The following TBC1D7 variants were observed in gnomAD, a reference collection of about 807,000 sequenced individuals.
TBC1D7 encodes the protein TBC domain family 7.
Under a neutral mutation model 35.3 loss-of-function variants are expected in TBC1D7, and 33 were observed. That is an observed-to-expected ratio of 0.93 (90% CI 0.71 to 1.25). The LOEUF is 1.25. Ranked by LOEUF, TBC1D7 falls within the 50% of genes most tolerant of loss-of-function variation. TBC1D7 has a pLI of 0.00. For missense variants in TBC1D7, 362 were observed against 365.3 expected, an observed-to-expected ratio of 0.99 and a Z score of 0.07; for synonymous variants, 135 against 129.5, an observed-to-expected ratio of 1.04 and a Z score of -0.29.
Position 13,328,419 on chromosome 6 carries a change from G to C in TBC1D7, c.-132C>G, listed in dbSNP as rs13212123. On this transcript the variant is annotated 5_prime_UTR_variant, in exon 1 of 8. Transcript: ENST00000379300. ...ACCGTTGGGGCCCAGGGCCAGGAGG[G>C]ACGAGTCCTGCGGGAAGGAGGGAGG... is the stretch of plus-strand genomic sequence containing the variant. 0.11 allele frequency: 17,387 copies of C among 153,564 alleles called. 1,201 individuals are homozygous for C. The highest frequency in any genetic ancestry group is 0.3 in the East Asian group (1,536 of 5,166). 9.5% of individuals were successfully genotyped at this position (153,564 alleles called of 1,614,324 possible). A position where few individuals can be genotyped will look rare whatever the true frequency, so the allele number is the denominator to read the frequency against.
chr6:13,325,248 T>A (rs186295867), intron 2 of TBC1D7, 74 bp from the exon 3 acceptor site: 1 of 1,129,412 alleles, frequency 8.9e-7, no homozygotes, highest in African/African-American at 1.6e-5. Flanking sequence ...TTTCATTTTT[T>A]AAAACTCAAA....
chr6:13,310,825 T>C (rs1389953902), intron 5 of TBC1D7, among the ~76,000 whole-genome samples: 2 of 151,980 alleles, frequency 1.3e-5, no homozygotes, highest in Non-Finnish European at 2.9e-5. Flanking sequence ...AGAAGGTGAA[T>C]TCAAATACAT....
chr6:13,311,614 C>T (rs942147022), intron 5 of TBC1D7, among the ~76,000 whole-genome samples: 1 of 152,196 alleles, frequency 6.6e-6, no homozygotes, highest in African/African-American at 2.4e-5. Context: ...TTCTGGATGA[C>T]TTTTCTGAGA....
At chr6:13,306,141 A>G in intron 7 of TBC1D7, 1 of 288,560 alleles carries the variant, frequency 3.5e-6, no homozygotes, top group Non-Finnish European at 6.4e-6. Flanking sequence ...ATTTCTCTGA[A>G]ATAATCTAAT....
chr6:13,328,520 T>TGCCGCTGCCGCTGCCGCTGCCGCC lies in TBC1D7; in HGVS notation c.-234_-233insGGCGGCAGCGGCAGCGGCAGCGGC, dbSNP rs1554196307. 1 of 157,886 alleles carries TGCCGCTGCCGCTGCCGCTGCCGCC rather than the reference T, an allele frequency of 6.3e-6. No individual in the cohort carries two copies. The highest frequency in any genetic ancestry group is 2.4e-5 in the African/African-American group (1 of 41,406). 9.8% of individuals were successfully genotyped at this position (157,886 alleles called of 1,614,324 possible). A position where few individuals can be genotyped will look rare whatever the true frequency, so the allele number is the denominator to read the frequency against. On this transcript the variant is annotated 5_prime_UTR_variant, in exon 1 of 8. Coordinates refer to ENST00000379300, the MANE Select transcript of TBC1D7 (RefSeq NM_016495.6). Reference sequence around the variant, plus strand: ...AACTCAGCGCCGCTGCCGCTGCCGCTGCCGCCGCCGCCGGACGTGACATCA... The same window carrying TGCCGCTGCCGCTGCCGCTGCCGCC: ...AACTCAGCGCCGCTGCCGCTGCCGCTGCCGCTGCCGCTGCCGCTGCCGCCGCCGCCGCCGCCGGACGTGACATCA...
chr6:13,316,467 G>A, intron 5 of TBC1D7, 104 bp downstream of exon 5: 2 of 1,217,204 alleles, frequency 1.6e-6, no homozygotes, highest in Admixed American at 2.2e-5. Context: ...TACTATAAAG[G>A]GTTATTCAGA....
chr6:13,320,920 G>A lies in TBC1D7; in HGVS notation c.369C>T (p.Pro123=), dbSNP rs1340021014. 6.2e-7 allele frequency: 1 copy of A among 1,613,980 alleles called. No homozygotes were observed. The highest frequency in any genetic ancestry group is 8.5e-7 in the Non-Finnish European group (1 of 1,180,026). ...QLESGKLPRS[P]SFPLEPDDEV... The stretch of plus-strand genomic sequence containing the variant: ...AGTGACCACTAACCAGTGGAAAAGA[G>A]GGACTTCGAGGTAACTTCCCAGACT... Residue 123 remains proline (P), a synonymous_variant, in exon 4 of 8, where the codon CCC becomes CCT. Coordinates refer to ENST00000379300, the MANE Select transcript of TBC1D7 (RefSeq NM_016495.6).
At chr6:13,328,124 CCT>C (rs1257497220) in intron 1 of TBC1D7, 170 bp downstream of exon 1, 2 of 152,092 alleles carry the variant, frequency 1.3e-5, no homozygotes, top group African/African-American at 4.8e-5. Flanking sequence ...TTGGTCGGTC[CCT>C]GTTGTCTAAG....
intron 5 of TBC1D7, among the ~76,000 whole-genome samples, chr6:13,309,439 A>G (rs77485081): frequency 0.018 from 2,729 of 152,340 alleles, 86 homozygotes; most frequent in African/African-American, 0.063. Flanking sequence ...TAAGCACTCA[A>G]TATATAACTG....
intron 5 of TBC1D7, among the ~76,000 whole-genome samples, chr6:13,308,005 G>A (rs959405376): frequency 3.3e-5 from 5 of 152,182 alleles, no homozygotes; most frequent in African/African-American, 1.2e-4. Context: ...CAGGCAAAAT[G>A]GAATGGTTGG....
chr6:13,310,554 C>T (rs1309430590), intron 5 of TBC1D7, among the ~76,000 whole-genome samples: 2 of 150,888 alleles, frequency 1.3e-5, no homozygotes, highest in East Asian at 2.0e-4. Context: ...AGGAGAATCA[C>T]TTGAACCTGG....
rs72202814 is a variant in TBC1D7, at chr6:13,316,548, C to CA, written c.519+22dup. The CA allele has an allele frequency of 0.042, 61,739 of 1,462,190 alleles. 87 individuals are homozygous for CA. Among genetic ancestry groups the CA allele is most frequent in the Non-Finnish European group, 0.047 (50,987 of 1,074,452 alleles). 90.6% of individuals were successfully genotyped at this position (1,462,190 alleles called of 1,614,324 possible). ...CTACCATTGTTCACTCTCCAATAGC[C>CA]AAAAAAAAAAAAAAGCCCTCACCAA... is the stretch of plus-strand genomic sequence containing the variant. On this transcript the variant is annotated intron_variant, in intron 5 of 7. Transcript: ENST00000379300.
rs1285513883 is a variant in TBC1D7, at chr6:13,305,012, G to A, written c.*89C>T. The A allele has an allele frequency of 9.8e-6, 11 of 1,117,206 alleles. No homozygotes were observed. The highest frequency in any genetic ancestry group is 1.4e-5 in the Non-Finnish European group (11 of 784,620). 69.2% of individuals were successfully genotyped at this position (1,117,206 alleles called of 1,614,324 possible). ...CTTTGAGCACCAAAGCAAGAAAAGT[G>A]TATTATTCAATCAGTTTCCCAGATC... On this transcript the variant is annotated 3_prime_UTR_variant, in exon 8 of 8. Transcript: ENST00000379300.
intron 3 of TBC1D7, 64 bp downstream of exon 3, chr6:13,325,030 A>G: frequency 8.0e-7 from 1 of 1,245,600 alleles, no homozygotes; most frequent in Non-Finnish European, 1.2e-6. Context: ...GACTGATAAG[A>G]TAGCAAATGA....
intron 4 of TBC1D7, chr6:13,320,626 A>C (rs1338448687): frequency 1.7e-6 from 1 of 600,216 alleles, no homozygotes; most frequent in African/African-American, 1.9e-5. Flanking sequence ...ACAACTGGAG[A>C]ATCTGGGTAA....
intron 5 of TBC1D7, among the ~76,000 whole-genome samples, chr6:13,310,649 A>AAAAAAAAAAAAAAAAAAAAAAG (rs1783139558): frequency 6.6e-6 from 1 of 150,496 alleles, no homozygotes; most frequent in Admixed American, 6.7e-5. Context: ...AAAAAAAAAA[A>AAAAAAAAAAAAAAAAAAAAAAG]AAAAGAATAT....
intron 3 of TBC1D7, among the ~76,000 whole-genome samples, 170 bp downstream of exon 3, chr6:13,324,924 G>A (rs1784301446): frequency 6.6e-6 from 1 of 152,156 alleles, no homozygotes; most frequent in South Asian, 2.1e-4. Flanking sequence ...CTCTTCTATA[G>A]TATCATTAAT....
intron 5 of TBC1D7, among the ~76,000 whole-genome samples, chr6:13,309,745 T>C (rs771924104): frequency 2.6e-5 from 4 of 152,208 alleles, no homozygotes; most frequent in African/African-American, 7.2e-5. Context: ...GTTGAACTCA[T>C]ACTGAATACA....
chr6:13,327,876 G>A (rs1784504964), intron 1 of TBC1D7: 1 of 152,164 alleles, frequency 6.6e-6, no homozygotes, highest in Non-Finnish European at 1.5e-5. Context: ...AAATCTTTAG[G>A]TTTAAAAACC....
Sources: allele counts gnomAD v4.1 joint callset (sites outside exome capture counted in the v4.1 genomes callset), GRCh38; gene constraint gnomAD v4.1.1; transcripts MANE v1.5; gene names NCBI Gene and HGNC (gene_info 2026-07-23, HGNC 2026-07-21).